PAK1: variants seen among roughly 807,000 people sequenced by gnomAD.
PAK1 encodes serine/threonine-protein kinase PAK 1.
In PAK1, 29 loss-of-function variants were observed where a neutral mutation model predicts 67.4. That is an observed-to-expected ratio of 0.43 (90% CI 0.32 to 0.59). The LOEUF (loss-of-function observed/expected upper bound fraction) is 0.59. PAK1 is among the 20% of genes least tolerant of loss of function. The pLI, the probability that PAK1 is intolerant of heterozygous loss-of-function variation, is 0.07. For missense variants in PAK1, 337 were observed against 670.7 expected (o/e 0.50, Z 5.50); for synonymous variants, 223 against 237.4 (o/e 0.94, Z 0.56).
At chr11:77,429,555 A>C (rs996312694) in intron 1 of PAK1, among the ~76,000 whole-genome samples, 1 of 152,218 alleles carries the variant, frequency 6.6e-6, no homozygotes, top group Non-Finnish European at 1.5e-5. Context: ...ATACAGCACC[A>C]GTTCTGTAAT....
intron 1 of PAK1, among the ~76,000 whole-genome samples, chr11:77,424,315 G>A (rs539759864): frequency 2.6e-5 from 4 of 152,194 alleles, no homozygotes; most frequent in Non-Finnish European, 5.9e-5. Flanking sequence ...TGTGGTCTGG[G>A]CATATCGGAT....
chr11:77,380,256 G>A (rs1565640149), intron 2 of PAK1, among the ~76,000 whole-genome samples: 1 of 152,312 alleles, frequency 6.6e-6, no homozygotes, highest in Admixed American at 6.5e-5. Flanking sequence ...CACTTTGGGA[G>A]GCCAAGGCAG....
the PAK1 span, chr11:77,515,077 T>A: frequency 3.9e-5 from 6 of 152,356 alleles, no homozygotes; most frequent in East Asian, 9.6e-4. Flanking sequence ...ATAATTTTTT[T>A]AGAGAAAAGT....
the PAK1 span, among the ~76,000 whole-genome samples, chr11:77,496,578 C>T: frequency 6.6e-6 from 1 of 151,734 alleles, no homozygotes; most frequent in Non-Finnish European, 1.5e-5. Flanking sequence ...TGAGCCACTG[C>T]TCTCCAGCCT....
intron 1 of PAK1, among the ~76,000 whole-genome samples, chr11:77,397,960 C>T (rs1249019913): frequency 6.6e-6 from 1 of 152,118 alleles, no homozygotes; most frequent in Non-Finnish European, 1.5e-5. Context: ...AAAACTCAAA[C>T]CTCATCTTTA....
chr11:77,472,626 T>C (rs1957917625), intron 1 of PAK1, among the ~76,000 whole-genome samples: 1 of 152,206 alleles, frequency 6.6e-6, no homozygotes, highest in South Asian at 2.1e-4. Flanking sequence ...AGATGAGGTA[T>C]CTGTACTGAT....
intron 5 of PAK1, among the ~76,000 whole-genome samples, chr11:77,362,207 AGCATATAACCAG>A (rs1351166583): frequency 6.6e-6 from 1 of 152,166 alleles, no homozygotes; most frequent in African/African-American, 2.4e-5. Context: ...GTATATTCTT[AGCATATAACCAG>A]TTGACAATAA....
chr11:77,399,950 T>C (rs904311075), intron 1 of PAK1, among the ~76,000 whole-genome samples: 1 of 150,858 alleles, frequency 6.6e-6, no homozygotes, highest in Non-Finnish European at 1.5e-5. Flanking sequence ...ATGATAAAGT[T>C]AGTATATGAA....
intron 1 of PAK1, among the ~76,000 whole-genome samples, chr11:77,455,121 C>T (rs1362524453): frequency 1.3e-5 from 2 of 152,046 alleles, no homozygotes; most frequent in East Asian, 1.9e-4. Context: ...ATGATAAAAA[C>T]GTCAACATGA....
intron 1 of PAK1, among the ~76,000 whole-genome samples, chr11:77,465,270 A>G (rs1315931509): frequency 6.6e-6 from 1 of 152,222 alleles, no homozygotes. Context: ...ATTTGGAGAC[A>G]GAAAATATGA....
intron 1 of PAK1, among the ~76,000 whole-genome samples, chr11:77,462,858 CAA>C (rs1224023271): frequency 3.1e-5 from 4 of 127,206 alleles, no homozygotes. Flanking sequence ...TCATGTGTCT[CAA>C]AAAAAAAAAA....
intron 1 of PAK1, among the ~76,000 whole-genome samples, chr11:77,404,895 A>T (rs1953250425): frequency 1.3e-5 from 2 of 152,248 alleles, no homozygotes; most frequent in Non-Finnish European, 2.9e-5. Context: ...CCTTGTGCTC[A>T]TAGAGTTTAT....
At chr11:77,389,221 A>G (rs1309845865) in intron 2 of PAK1, among the ~76,000 whole-genome samples, 1 of 152,222 alleles carries the variant, frequency 6.6e-6, no homozygotes, top group African/African-American at 2.4e-5. Flanking sequence ...CACTTAACAC[A>G]GCATTTTCAA....
chr11:77,325,903 T>C (rs1439462237), intron 14 of PAK1, among the ~76,000 whole-genome samples: 1 of 152,194 alleles, frequency 6.6e-6, no homozygotes, highest in Non-Finnish European at 1.5e-5. Flanking sequence ...TGAGTACCTA[T>C]CCTGAGTCAA....
intron 1 of PAK1, among the ~76,000 whole-genome samples, chr11:77,452,047 A>G (rs1167100811): frequency 6.6e-6 from 1 of 152,226 alleles, no homozygotes; most frequent in African/African-American, 2.4e-5. Flanking sequence ...CAAAGAAAAA[A>G]CTACGTTCAC....
chr11:77,457,890 T>C (rs1440975022), intron 1 of PAK1, among the ~76,000 whole-genome samples: 1 of 152,230 alleles, frequency 6.6e-6, no homozygotes, highest in Non-Finnish European at 1.5e-5. Flanking sequence ...GTATAAGCTC[T>C]GTACCAGACA....
chr11:77,401,410 T>C (rs1258328762), intron 1 of PAK1, among the ~76,000 whole-genome samples: 2 of 152,196 alleles, frequency 1.3e-5, no homozygotes, highest in African/African-American at 4.8e-5. Flanking sequence ...AAAGCTACTT[T>C]ACTTTCTGAT....
chr11:77,516,838 CAAAAAAAAAA>C, the PAK1 span, among the ~76,000 whole-genome samples: 1 of 95,424 alleles, frequency 1.0e-5, no homozygotes, highest in Non-Finnish European at 2.0e-5. Flanking sequence ...CCCCATCTCT[CAAAAAAAAAA>C]AAAAAAAAAA....
chr11:77,488,258 TA>T, the PAK1 span, among the ~76,000 whole-genome samples: 2 of 151,576 alleles, frequency 1.3e-5, no homozygotes, highest in Non-Finnish European at 2.9e-5. Flanking sequence ...TGTAGTGATT[TA>T]AAAAAAAACT....
Sources: gnomAD v4.1 joint callset for allele counts (sites outside exome capture counted in the v4.1 genomes callset) on GRCh38, gnomAD v4.1.1 for gene constraint, MANE v1.5 for transcripts, NCBI Gene and HGNC (gene_info 2026-07-23, HGNC 2026-07-21) for gene names.